The following MACROD1 variants were observed in gnomAD, a reference collection of about 807,000 sequenced individuals.
MACROD1 encodes mono-ADP ribosylhydrolase 1.
Under a neutral mutation model 41.4 loss-of-function variants are expected in MACROD1, and 31 were observed. That is an observed-to-expected ratio of 0.75 (90% CI 0.56 to 1.01). The LOEUF is 1.01. Ranked by LOEUF, MACROD1 falls within the 50% of genes least tolerant of loss-of-function variation. MACROD1 has a pLI of 0.00. For synonymous variants in MACROD1, 252 were observed against 203.4 expected, an observed-to-expected ratio of 1.24 and a Z score of -2.03; for missense variants, 473 against 460.0, an observed-to-expected ratio of 1.03 and a Z score of -0.26.
rs1462043266 is a variant in MACROD1, at chr11:64,152,518, G to A, written c.299-125C>T. 9 of 740,548 alleles carry A rather than the reference G, an allele frequency of 1.2e-5. No individual in the cohort carries two copies. In the Admixed American group the frequency reaches 1.4e-4, roughly 12 times the overall value. The allele number at this position is 740,548 out of a possible 1,614,324, so 45.9% of individuals were successfully genotyped here. A position where few individuals can be genotyped will look rare whatever the true frequency, so the allele number is the denominator to read the frequency against. On this transcript the variant is annotated intron_variant, in intron 1 of 10. Transcript: ENST00000255681. Reference sequence around the variant, plus strand: ...AGCTCTTCCTGTCCCTCCTTCTCTGGGCACACAGGGCAGGCATGCTGGGGA... The same window carrying A: ...AGCTCTTCCTGTCCCTCCTTCTCTGAGCACACAGGGCAGGCATGCTGGGGA...
At position 64,031,476 on chromosome 11, in the gene MACROD1, C is replaced by CTTTTTTTTT. The variant is rs386373983; in HGVS notation, c.518-16204_518-16196dup. 5.2e-5 allele frequency among the ~76,000 whole-genome samples: 6 copies of CTTTTTTTTT among 114,948 alleles called. 1 individual carries two copies. The highest frequency in any genetic ancestry group is 1.8e-4 in the African/African-American group (5 of 28,362). 75.4% of individuals were successfully genotyped at this position (114,948 alleles called of 152,430 possible). On this transcript the variant is annotated intron_variant, in intron 3 of 10. Transcript: ENST00000255681. ...CCTGCCTGCCTGCCTGCCTGCCTTC[C>CTTTTTTTTT]TTTTTTTTTTTTTTTTTTTGTGACG...
chr11:64,112,544 A>C, intron 3 of MACROD1, among the ~76,000 whole-genome samples: 1 of 152,200 alleles, frequency 6.6e-6, no homozygotes, highest in East Asian at 1.9e-4. Flanking sequence ...CAAAACAAAA[A>C]AGATAAAACA....
At chr11:64,001,988 G>A (rs1210347279) in intron 4 of MACROD1, among the ~76,000 whole-genome samples, 3 of 152,224 alleles carry the variant, frequency 2.0e-5, no homozygotes, top group Non-Finnish European at 4.4e-5. Flanking sequence ...TCATTGGGCT[G>A]TTGGAAGGAT....
At chr11:64,114,673 G>C (rs1049694471) in intron 3 of MACROD1, among the ~76,000 whole-genome samples, 2 of 151,938 alleles carry the variant, frequency 1.3e-5, no homozygotes, top group African/African-American at 4.8e-5. Flanking sequence ...GTGGATAGAT[G>C]GATGGATGGA....
chr11:64,072,099 A>G (rs1210852384), intron 3 of MACROD1, among the ~76,000 whole-genome samples: 3 of 152,128 alleles, frequency 2.0e-5, no homozygotes, highest in Non-Finnish European at 4.4e-5. Flanking sequence ...CGACTGCTGA[A>G]CTCATAACCG....
At chr11:64,058,592 C>T (rs555974448) in intron 3 of MACROD1, among the ~76,000 whole-genome samples, 33 of 152,384 alleles carry the variant, frequency 2.2e-4, no homozygotes, top group South Asian at 1.9e-3. Context: ...GAGCCGGCAG[C>T]TGCCGGGTGC....
intron 8 of MACROD1, 104 bp downstream of exon 8, chr11:63,999,227 C>A: frequency 1.4e-6 from 2 of 1,433,866 alleles, no homozygotes; most frequent in Non-Finnish European, 1.9e-6. Flanking sequence ...AAGGAAGGGG[C>A]GGGCCTGGCC....
intron 3 of MACROD1, among the ~76,000 whole-genome samples, chr11:64,091,991 C>T (rs926833244): frequency 2.6e-5 from 4 of 152,170 alleles, no homozygotes; most frequent in East Asian, 3.9e-4. Flanking sequence ...TAGAGGACAG[C>T]GGGGCTGCCG....
chr11:64,072,208 C>G (rs1944122231), intron 3 of MACROD1, among the ~76,000 whole-genome samples: 1 of 152,090 alleles, frequency 6.6e-6, no homozygotes, highest in African/African-American at 2.4e-5. Context: ...CTGCTTCATC[C>G]TCAGCTGCTG....
chr11:64,145,660 C>T (rs1470105838), intron 3 of MACROD1, among the ~76,000 whole-genome samples: 1 of 152,234 alleles, frequency 6.6e-6, no homozygotes, highest in Non-Finnish European at 1.5e-5. Flanking sequence ...AACAAAAGAT[C>T]CCTTCCATCT....
intron 3 of MACROD1, among the ~76,000 whole-genome samples, chr11:64,077,276 C>A (rs1379956516): frequency 1.3e-5 from 2 of 152,202 alleles, no homozygotes; most frequent in African/African-American, 4.8e-5. Flanking sequence ...CCCCAGGCGG[C>A]CAGCTGGAAA....
intron 3 of MACROD1, among the ~76,000 whole-genome samples, chr11:64,065,577 C>G (rs1195134422): frequency 6.6e-6 from 1 of 151,892 alleles, no homozygotes; most frequent in Non-Finnish European, 1.5e-5. Flanking sequence ...ATCACGAGGT[C>G]AGGAGATCAA....
intron 1 of MACROD1, among the ~76,000 whole-genome samples, chr11:64,164,139 C>T (rs1308742840): frequency 6.6e-6 from 1 of 152,238 alleles, no homozygotes; most frequent in African/African-American, 2.4e-5. Flanking sequence ...AGATTACAAG[C>T]TCCATGAGGG....
Position 64,064,415 on chromosome 11 carries a change from A to C in MACROD1, c.518-49134T>G, listed in dbSNP as rs1943958340. Reference sequence around the variant, plus strand: ...GAGGAGGCTCAGGGCCAGTGCCGGGACTCCAGCTCCTCTGGGCACTGGGCA... The same window carrying C: ...GAGGAGGCTCAGGGCCAGTGCCGGGCCTCCAGCTCCTCTGGGCACTGGGCA... On this transcript the variant is annotated intron_variant, in intron 3 of 10. Transcript: ENST00000255681. The surrounding 1 kb of genome is among the most constrained non-coding windows in gnomAD (Gnocchi z 4.5). Among the ~76,000 whole-genome samples the C allele has an allele frequency of 6.6e-6, 1 of 151,830 alleles. No individual in the cohort carries two copies. Among genetic ancestry groups the C allele is most frequent in the African/African-American group, 2.4e-5 (1 of 41,350 alleles).
intron 1 of MACROD1, among the ~76,000 whole-genome samples, chr11:64,162,768 T>C (rs1945775267): frequency 6.7e-6 from 1 of 149,484 alleles, no homozygotes; most frequent in African/African-American, 2.5e-5. Flanking sequence ...TGAACCAAGG[T>C]CGCGCCACTG....
Position 64,059,897 on chromosome 11 carries a change from C to T in MACROD1, c.518-44616G>A, listed in dbSNP as rs546964. Among the ~76,000 whole-genome samples the T allele has an allele frequency of 7.7e-3, 1,168 of 151,314 alleles. 12 individuals carry two copies. The highest frequency in any genetic ancestry group is 0.026 in the African/African-American group (1,070 of 41,438). On this transcript the variant is annotated intron_variant, in intron 3 of 10. Coordinates refer to ENST00000255681, the MANE Select transcript of MACROD1 (RefSeq NM_014067.4). The stretch of plus-strand genomic sequence containing the variant: ...GTCCAGCCCTTGAAGGCCGAGGAGG[C>T]GAGGCGAGGCTGGCAACCGCGACCT...
At position 64,071,008 on chromosome 11, in the gene MACROD1, C is replaced by T. The variant is rs115384268; in HGVS notation, c.518-55727G>A. On this transcript the variant is annotated intron_variant, in intron 3 of 10. Coordinates refer to ENST00000255681, the MANE Select transcript of MACROD1 (RefSeq NM_014067.4). The stretch of plus-strand genomic sequence containing the variant: ...TGACTATTCAATCCTCAGACCTCCA[C>T]AGTTCACAGAGCGGCCATACTCATC... Among the ~76,000 whole-genome samples the T allele has an allele frequency of 3.2e-3, 483 of 152,288 alleles. 4 individuals are homozygous for T. Among genetic ancestry groups the T allele is most frequent in the African/African-American group, 0.011 (463 of 41,562 alleles).
At chr11:64,010,350 A>G (rs1272054093) in intron 4 of MACROD1, among the ~76,000 whole-genome samples, 320 of 56,256 alleles carry the variant, frequency 5.7e-3, no homozygotes, top group Middle Eastern at 0.033. Flanking sequence ...TGTTGGTTGG[A>G]GTGTTGGTTG....
intron 3 of MACROD1, among the ~76,000 whole-genome samples, chr11:64,132,074 T>C (rs1945273991): frequency 6.6e-6 from 1 of 152,146 alleles, no homozygotes; most frequent in African/African-American, 2.4e-5. Flanking sequence ...TGGAGAACTA[T>C]GCAGAAATGG....
Sources: gnomAD v4.1 joint callset for allele counts (sites outside exome capture counted in the v4.1 genomes callset) on GRCh38, gnomAD v4.1.1 for gene constraint, Gnocchi (gnomAD v3.1) non-coding constraint, MANE v1.5 for transcripts, NCBI Gene and HGNC (gene_info 2026-07-23, HGNC 2026-07-21) for gene names.